Variants in LRP12 observed in about 807,000 individuals in gnomAD.
The protein encoded by LRP12 is low-density lipoprotein receptor-related protein 12.
A neutral mutation model predicts 66.0 loss-of-function variants in LRP12; 14 were observed. That is an observed-to-expected ratio of 0.21 (90% CI 0.14 to 0.33). LRP12 has a LOEUF of 0.33. Ranked by LOEUF, LRP12 falls within the 10% of genes least tolerant of loss-of-function variation. The pLI is 1.00. For missense variants in LRP12, 889 were observed against 1,053.4 expected (o/e 0.84, Z 2.16); for synonymous variants, 357 against 359.1 (o/e 0.99, Z 0.07).
chr8:104,545,571 T>C (rs1467158448), intron 1 of LRP12, among the ~76,000 whole-genome samples: 1 of 152,196 alleles, frequency 6.6e-6, no homozygotes, highest in Non-Finnish European at 1.5e-5. Flanking sequence ...CCATCAACAC[T>C]GAGGCAAGAC....
rs1396533833 is a variant in LRP12, at chr8:104,497,540, G to A, written c.1012C>T (p.His338Tyr). Residue 338 changes from histidine to tyrosine, a missense_variant, in exon 5 of 7, where the codon CAT becomes TAT. Around this residue, in one of 3 missense-constraint regions of LRP12, gnomAD observed 800 missense variants for 964.5 expected, o/e 0.83. Coordinates refer to ENST00000276654, the MANE Select transcript of LRP12 (RefSeq NM_013437.5). This position sits in a 1 kb window ranked among gnomAD's most constrained non-coding sequence, Gnocchi z 4.3. ...GAAGAAACAACTGTAAGAGGTGCATGAGAATCAAAAGCTGTCAACACACGC... is the reference window on the plus strand; with the variant it reads ...GAAGAAACAACTGTAAGAGGTGCATAAGAATCAAAAGCTGTCAACACACGC... ...LLRVLTAFDS[H>Y]APLTVVSSSG... 3 of 1,613,764 alleles carry A rather than the reference G, an allele frequency of 1.9e-6. No homozygotes were observed. The highest frequency in any genetic ancestry group is 2.5e-6 in the Non-Finnish European group (3 of 1,179,962).
intron 2 of LRP12, among the ~76,000 whole-genome samples, chr8:104,527,618 T>C (rs530704851): frequency 6.6e-6 from 1 of 151,988 alleles, no homozygotes; most frequent in South Asian, 2.1e-4. Context: ...CACTCATAGA[T>C]GGGAATTGAA....
chr8:104,546,602 G>C (rs1266714269), intron 1 of LRP12, among the ~76,000 whole-genome samples: 1 of 152,016 alleles, frequency 6.6e-6, no homozygotes, highest in Non-Finnish European at 1.5e-5. Context: ...TCTACAGCTA[G>C]TAAGTGGCAG....
intron 6 of LRP12, among the ~76,000 whole-genome samples, chr8:104,492,581 GAAAGAAGGTAGA>G (rs914707634): frequency 3.3e-5 from 5 of 152,062 alleles, no homozygotes; most frequent in African/African-American, 1.2e-4. Context: ...CCTCACAGAA[GAAAGAAGGTAGA>G]AAATAAGGAA....
intron 1 of LRP12, among the ~76,000 whole-genome samples, chr8:104,537,368 T>A (rs183567084): frequency 2.4e-4 from 36 of 152,192 alleles, no homozygotes; most frequent in African/African-American, 8.2e-4. Flanking sequence ...AGTCTTAGGC[T>A]GAATGTCAAG....
At chr8:104,517,009 T>C (rs2140849685) in intron 2 of LRP12, among the ~76,000 whole-genome samples, 1 of 151,776 alleles carries the variant, frequency 6.6e-6, no homozygotes, top group Non-Finnish European at 1.5e-5. Flanking sequence ...TTTTAATAAA[T>C]CACAAAACTG....
At chr8:104,569,871 T>C (rs1248519162) in intron 1 of LRP12, among the ~76,000 whole-genome samples, 4 of 151,948 alleles carry the variant, frequency 2.6e-5, no homozygotes, top group African/African-American at 9.7e-5. Flanking sequence ...AAAATAATAC[T>C]GTCCATATTC....
chr8:104,501,178 T>C (rs1810822943), intron 3 of LRP12, among the ~76,000 whole-genome samples: 1 of 152,164 alleles, frequency 6.6e-6, no homozygotes. Context: ...ATGTGAGACA[T>C]GTCATATCCA....
intron 5 of LRP12, chr8:104,496,152 C>T (rs947189630): frequency 1.3e-5 from 2 of 152,200 alleles, no homozygotes; most frequent in African/African-American, 4.8e-5. Context: ...ACTACTCACT[C>T]TGAAGGTCAC....
intron 1 of LRP12, among the ~76,000 whole-genome samples, chr8:104,551,256 G>A (rs900123600): frequency 1.3e-5 from 2 of 152,140 alleles, no homozygotes. Flanking sequence ...GTCTACCTTA[G>A]GATGAGTTAG....
intron 1 of LRP12, among the ~76,000 whole-genome samples, chr8:104,559,684 C>T (rs4492340): frequency 0.031 from 4,652 of 151,622 alleles, 239 homozygotes; most frequent in African/African-American, 0.11. Context: ...ACATGCCTAT[C>T]CAAAAAAAAG....
At chr8:104,586,104 G>C (rs867995800) in intron 1 of LRP12, among the ~76,000 whole-genome samples, 2 of 152,288 alleles carry the variant, frequency 1.3e-5, no homozygotes, top group Middle Eastern at 3.4e-3. Context: ...CATTGAATGC[G>C]GTTAAGATAC....
At chr8:104,539,734 G>A (rs1398971505) in intron 1 of LRP12, among the ~76,000 whole-genome samples, 2 of 151,836 alleles carry the variant, frequency 1.3e-5, no homozygotes, top group Admixed American at 6.6e-5. Context: ...TGGTAAGACA[G>A]CACTGTAAAG....
intron 1 of LRP12, among the ~76,000 whole-genome samples, chr8:104,585,724 T>C (rs1009491742): frequency 1.3e-5 from 2 of 152,200 alleles, no homozygotes; most frequent in Non-Finnish European, 2.9e-5. Context: ...TTTTTCTCTA[T>C]GTACATAGTA....
intron 2 of LRP12, among the ~76,000 whole-genome samples, chr8:104,514,497 A>G (rs1011499829): frequency 4.6e-5 from 7 of 151,220 alleles, no homozygotes; most frequent in Admixed American, 2.0e-4. Flanking sequence ...TAATGAGATC[A>G]GGAGTTCAAG....
chr8:104,530,272 C>T (rs974776779), intron 2 of LRP12, among the ~76,000 whole-genome samples: 11 of 152,072 alleles, frequency 7.2e-5, no homozygotes, highest in Admixed American at 6.6e-5. Flanking sequence ...TGTGTCCCCC[C>T]TCAAGCCCAT....
chr8:104,519,117 A>G (rs930796228), intron 2 of LRP12, among the ~76,000 whole-genome samples: 1 of 152,106 alleles, frequency 6.6e-6, no homozygotes, highest in Non-Finnish European at 1.5e-5. Flanking sequence ...CTTTGATTCA[A>G]AAGTCCTCTT....
intron 1 of LRP12, among the ~76,000 whole-genome samples, chr8:104,564,401 C>T (rs1811961545): frequency 6.6e-6 from 1 of 152,080 alleles, no homozygotes; most frequent in African/African-American, 2.4e-5. Context: ...AAGCAAGGAT[C>T]TAGAGGTCAT....
Position 104,588,958 on chromosome 8 carries a change from T to C in LRP12, c.-61A>G. ...AGGAGGAGGGAGGAGAAGCTGGAGG[T>C]AGACGACGCCGACGCCGCCGCCGCC... On this transcript the variant is annotated 5_prime_UTR_variant, in exon 1 of 7. Coordinates refer to ENST00000276654, the MANE Select transcript of LRP12 (RefSeq NM_013437.5). The C allele has an allele frequency of 2.7e-6, 3 of 1,102,306 alleles. No homozygotes were observed. The highest frequency in any genetic ancestry group is 3.8e-6 in the Non-Finnish European group (3 of 790,158). The allele number at this position is 1,102,306 out of a possible 1,614,324, so 68.3% of individuals were successfully genotyped here.
Sources: gnomAD v4.1 joint callset for allele counts (sites outside exome capture counted in the v4.1 genomes callset) on GRCh38, gnomAD v4.1.1 for gene constraint, gnomAD v4.1.1 regional missense constraint, Gnocchi (gnomAD v3.1) non-coding constraint, MANE v1.5 for transcripts, NCBI Gene and HGNC (gene_info 2026-07-23, HGNC 2026-07-21) for gene names.